GPC5: variants seen among roughly 807,000 people sequenced by gnomAD.
GPC5 encodes glypican 5.
GPC5 carries 47 observed loss-of-function variants against 53.9 expected under a neutral mutation model. The ratio of observed to expected loss-of-function variants is 0.87; its 90% confidence interval spans 0.69 to 1.11. The LOEUF (loss-of-function observed/expected upper bound fraction) is 1.11, where lower values mean the gene tolerates loss of function less well. Ranked by LOEUF, GPC5 falls within the 50% of genes most tolerant of loss-of-function variation. The pLI is 0.00. For synonymous variants in GPC5, 286 were observed against 263.3 expected, an observed-to-expected ratio of 1.09 and a Z score of -0.84; for missense variants, 748 against 713.1, an observed-to-expected ratio of 1.05 and a Z score of -0.56.
chr13:92,074,063 C>A (rs1210346559), intron 6 of GPC5, among the ~76,000 whole-genome samples: 2 of 152,050 alleles, frequency 1.3e-5, no homozygotes, highest in East Asian at 3.9e-4. Context: ...TTCAGTTCAA[C>A]GCGAATTTTG....
intron 7 of GPC5, among the ~76,000 whole-genome samples, chr13:92,421,542 A>G (rs538168255): frequency 6.6e-6 from 1 of 151,988 alleles, no homozygotes; most frequent in East Asian, 1.9e-4. Context: ...TACTAGAAAT[A>G]CAAAAAATTA....
chr13:92,795,335 A>G (rs1876632644), intron 7 of GPC5, among the ~76,000 whole-genome samples: 1 of 152,198 alleles, frequency 6.6e-6, no homozygotes, highest in Admixed American at 6.6e-5. Flanking sequence ...AGCCATATGT[A>G]GAAAGCTGAA....
chr13:91,820,480 C>T (rs1474114436), intron 5 of GPC5, among the ~76,000 whole-genome samples: 1 of 152,120 alleles, frequency 6.6e-6, no homozygotes, highest in East Asian at 1.9e-4. Context: ...CCTCCCCCCA[C>T]CACCATCCCA....
intron 7 of GPC5, among the ~76,000 whole-genome samples, chr13:92,654,789 A>G (rs368232394): frequency 6.6e-6 from 1 of 152,052 alleles, no homozygotes; most frequent in Non-Finnish European, 1.5e-5. Flanking sequence ...TATCCCCCCA[A>G]ATTTCATTTC....
intron 7 of GPC5, among the ~76,000 whole-genome samples, chr13:92,810,465 T>C (rs1329491607): frequency 2.0e-5 from 3 of 151,962 alleles, no homozygotes; most frequent in Admixed American, 1.3e-4. Flanking sequence ...TAACCATATG[T>C]ATCATTTCGA....
At chr13:91,774,747 C>T (rs1445817826) in intron 5 of GPC5, among the ~76,000 whole-genome samples, 1 of 152,166 alleles carries the variant, frequency 6.6e-6, no homozygotes, top group Non-Finnish European at 1.5e-5. Context: ...GAAGATGGGC[C>T]TACTAGCCTG....
At chr13:92,512,697 A>T (rs372310096) in intron 7 of GPC5, among the ~76,000 whole-genome samples, 6 of 152,150 alleles carry the variant, frequency 3.9e-5, no homozygotes, top group African/African-American at 1.4e-4. Context: ...CACATTATTC[A>T]TGCTTTGGAG....
At chr13:91,583,936 G>A (rs1472661237) in intron 2 of GPC5, among the ~76,000 whole-genome samples, 1 of 152,122 alleles carries the variant, frequency 6.6e-6, no homozygotes, top group East Asian at 1.9e-4. Context: ...CCCCAAATTT[G>A]TATGTAATCC....
chr13:92,657,579 G>GTTT (rs67038073), intron 7 of GPC5, among the ~76,000 whole-genome samples: 154 of 106,720 alleles, frequency 1.4e-3, no homozygotes, highest in African/African-American at 4.3e-3. Flanking sequence ...AGGTTTTTTG[G>GTTT]TTTTTTTTTT....
intron 7 of GPC5, among the ~76,000 whole-genome samples, chr13:92,299,073 G>T (rs2043058050): frequency 6.6e-6 from 1 of 152,132 alleles, no homozygotes; most frequent in Admixed American, 6.5e-5. Context: ...TTGGTTTTCA[G>T]TGTGTTAAAA....
intron 7 of GPC5, among the ~76,000 whole-genome samples, chr13:92,355,143 A>G (rs932005713): frequency 1.3e-5 from 2 of 151,824 alleles, no homozygotes; most frequent in South Asian, 2.1e-4. Flanking sequence ...ATAGATGTAT[A>G]TATTTTATCT....
chr13:92,814,431 C>T (rs548083016), intron 7 of GPC5, among the ~76,000 whole-genome samples: 9 of 151,928 alleles, frequency 5.9e-5, no homozygotes, highest in Admixed American at 3.9e-4. Flanking sequence ...GAGGCCAAGG[C>T]GGGTGGATCA....
At chr13:91,712,338 ATGTG>A (rs894371104) in intron 3 of GPC5, among the ~76,000 whole-genome samples, 4 of 151,152 alleles carry the variant, frequency 2.6e-5, no homozygotes, top group Non-Finnish European at 5.9e-5. Flanking sequence ...GTATATATAT[ATGTG>A]TGTGTGTGTA....
Position 91,592,248 on chromosome 13 carries a change from A to G in GPC5, c.326-100939A>G, listed in dbSNP as rs2032826639. On this transcript the variant is annotated intron_variant, in intron 2 of 7. Coordinates refer to ENST00000377067, the MANE Select transcript of GPC5 (RefSeq NM_004466.6). Reference sequence around the variant, plus strand: ...TTTGGGCTGTGATCCAGTAGATGGCACTTTAAGATTCATGGGTGGTGAATA... The same window carrying G: ...TTTGGGCTGTGATCCAGTAGATGGCGCTTTAAGATTCATGGGTGGTGAATA... Among the ~76,000 whole-genome samples the G allele has an allele frequency of 3.3e-5, 5 of 152,162 alleles. No individual in the cohort carries two copies. In the South Asian group the frequency reaches 1.0e-3, roughly 31 times the overall value.
At chr13:92,178,197 A>C (rs9301783) in intron 7 of GPC5, among the ~76,000 whole-genome samples, 2 of 152,022 alleles carry the variant, frequency 1.3e-5, no homozygotes, top group African/African-American at 4.8e-5. Context: ...CAGCAGGCGC[A>C]TCAGAACAGA....
intron 2 of GPC5, among the ~76,000 whole-genome samples, chr13:91,617,160 T>C (rs1206667214): frequency 2.0e-5 from 3 of 152,184 alleles, no homozygotes; most frequent in African/African-American, 7.2e-5. Flanking sequence ...AATGTCATCA[T>C]ACTTTGCCTT....
intron 2 of GPC5, among the ~76,000 whole-genome samples, chr13:91,495,723 AAC>A (rs1389629413): frequency 6.6e-6 from 1 of 152,250 alleles, no homozygotes; most frequent in Non-Finnish European, 1.5e-5. Flanking sequence ...AGGGAAAACA[AAC>A]ACTGATAACA....
At chr13:92,055,171 T>C (rs893969662) in intron 6 of GPC5, among the ~76,000 whole-genome samples, 1 of 152,160 alleles carries the variant, frequency 6.6e-6, no homozygotes. Flanking sequence ...TTGCAAGTAA[T>C]GTTAAAATAG....
chr13:91,895,905 C>A (rs1030209798), intron 5 of GPC5, among the ~76,000 whole-genome samples: 4 of 152,008 alleles, frequency 2.6e-5, no homozygotes, highest in Admixed American at 6.6e-5. Context: ...TCTAATGGTT[C>A]TAGGAGATAA....
Sources: gnomAD v4.1 joint callset for allele counts (sites outside exome capture counted in the v4.1 genomes callset) on GRCh38, gnomAD v4.1.1 for gene constraint, MANE v1.5 for transcripts, NCBI Gene and HGNC (gene_info 2026-07-23, HGNC 2026-07-21) for gene names.